The following TMEM132E variants were observed in gnomAD, a reference collection of about 807,000 sequenced individuals.
TMEM132E encodes transmembrane protein 132E.
A neutral mutation model predicts 78.5 loss-of-function variants in TMEM132E; 49 were observed. The ratio of observed to expected loss-of-function variants is 0.62; its 90% CI spans 0.50 to 0.79. TMEM132E has a LOEUF of 0.79. TMEM132E is among the 30% of genes least tolerant of loss of function. The pLI, the probability that TMEM132E is intolerant of heterozygous loss-of-function variation, is 0.00. For synonymous variants in TMEM132E, 715 were observed against 670.6 expected (o/e 1.07, Z -1.02); for missense variants, 1,403 against 1,470.9 (o/e 0.95, Z 0.75).
intron 1 of TMEM132E, among the ~76,000 whole-genome samples, chr17:34,596,474 A>C (rs1347109138): frequency 2.0e-5 from 3 of 152,160 alleles, no homozygotes; most frequent in African/African-American, 7.2e-5. Context: ...CTAGTGTCAT[A>C]GAGGATGTGT....
chr17:34,629,488 G>A (rs1907274529), intron 4 of TMEM132E, among the ~76,000 whole-genome samples: 1 of 152,206 alleles, frequency 6.6e-6, no homozygotes, highest in African/African-American at 2.4e-5. Context: ...ATGCAGTTGA[G>A]TCTTGGAGGT....
Position 34,637,564 on chromosome 17 carries a change from G to A in TMEM132E, c.2557G>A (p.Glu853Lys), listed in dbSNP as rs753269666. 3.1e-6 allele frequency: 5 copies of A among 1,599,558 alleles called. No individual in the cohort carries two copies. The highest frequency in any genetic ancestry group is 2.2e-5 in the South Asian group (2 of 90,248). The change falls in exon 9 of 9, where the codon GAG (glutamate) becomes AAG (lysine). Residue 853 changes from glutamate to lysine, a missense_variant. This residue lies in a region of TMEM132E where 888 missense variants were observed against 952.8 expected (regional missense o/e 0.93). Coordinates refer to ENST00000631683, the MANE Select transcript of TMEM132E (RefSeq NM_001304438.2). ...GPPGSALPAP[E>K]APGPGTASPV... The stretch of plus-strand genomic sequence containing the variant: ...GCCGGGCTCTGCGCTACCCGCACCG[G>A]AGGCTCCAGGCCCGGGCACCGCCAG...
Position 34,638,150 on chromosome 17 carries a change from G to T in TMEM132E, c.3143G>T (p.Cys1048Phe). ...EEEEEDLGWG[C>F]PDVAGPTRPT... Reference sequence around the variant, plus strand: ...GAGGAAGAGGACCTGGGTTGGGGCTGCCCGGATGTGGCGGGCCCCACGCGG... The same window carrying T: ...GAGGAAGAGGACCTGGGTTGGGGCTTCCCGGATGTGGCGGGCCCCACGCGG... The change falls in exon 9 of 9, where the codon TGC (cysteine) becomes TTC (phenylalanine). Residue 1048 changes from cysteine to phenylalanine, a missense_variant. Transcript: ENST00000631683. 2 of 1,610,214 alleles carry T rather than the reference G, an allele frequency of 1.2e-6. No individual in the cohort carries two copies. The highest frequency in any genetic ancestry group is 1.7e-6 in the Non-Finnish European group (2 of 1,179,000).
chr17:34,596,536 C>T (rs912467424), intron 1 of TMEM132E, among the ~76,000 whole-genome samples: 9 of 152,004 alleles, frequency 5.9e-5, no homozygotes, highest in African/African-American at 1.4e-4. Flanking sequence ...ATGCAGGTGC[C>T]CCAGTCACAA....
intron 1 of TMEM132E, among the ~76,000 whole-genome samples, chr17:34,603,845 C>T (rs1906320866): frequency 6.6e-6 from 1 of 152,234 alleles, no homozygotes; most frequent in South Asian, 2.1e-4. Context: ...CACTCGTCCA[C>T]CATCTCCTGT....
At position 34,632,785 on chromosome 17, in the gene TMEM132E, G is replaced by T. The variant is rs751132995; in HGVS notation, c.1564G>T (p.Asp522Tyr). The T allele has an allele frequency of 8.1e-6, 13 of 1,614,190 alleles. No homozygotes were observed. The highest frequency in any genetic ancestry group is 1.0e-5 in the Non-Finnish European group (12 of 1,180,036). Residue 522 changes from aspartate to tyrosine, a missense_variant, in exon 6 of 9, where the codon GAC becomes TAC. Around this residue, in one of 3 missense-constraint regions of TMEM132E, gnomAD observed 888 missense variants for 952.8 expected, o/e 0.93. Transcript: ENST00000631683. ...SMNARVTFRY[D>Y]VLNAPLEMTV... The stretch of plus-strand genomic sequence containing the variant: ...GAACGCCAGGGTCACCTTCCGCTAC[G>T]ACGTCCTCAATGCTCCCCTGGAAAT...
chr17:34,604,495 C>A (rs1435246594), intron 1 of TMEM132E, among the ~76,000 whole-genome samples: 1 of 152,204 alleles, frequency 6.6e-6, no homozygotes, highest in African/African-American at 2.4e-5. Context: ...GCATCCAAGG[C>A]CCCTGTGATC....
At chr17:34,620,932 T>C (rs1283266061) in intron 1 of TMEM132E, among the ~76,000 whole-genome samples, 1 of 152,212 alleles carries the variant, frequency 6.6e-6, no homozygotes, top group Non-Finnish European at 1.5e-5. Context: ...TTCATGTATT[T>C]GTCTTTTTGG....
chr17:34,579,928 C>G lies in TMEM132E; in HGVS notation c.-1149C>G, dbSNP rs1231226755. 6.6e-6 allele frequency: 1 copy of G among 152,236 alleles called. No homozygotes were observed. Among genetic ancestry groups the G allele is most frequent in the Non-Finnish European group, 1.5e-5 (1 of 68,070 alleles). 9.4% of individuals were successfully genotyped at this position (152,236 alleles called of 1,614,324 possible). On this transcript the variant is annotated 5_prime_UTR_variant, in exon 1 of 9. In the 5' UTR this introduces an upstream ATG that the reference lacks. Coordinates refer to ENST00000631683, the MANE Select transcript of TMEM132E (RefSeq NM_001304438.2). Reference sequence around the variant, plus strand: ...AGCGGGAGCCGATGCCCGGCAGCATCGAGACAGCGGGCGAACGGGCGTCCG... The same window carrying G: ...AGCGGGAGCCGATGCCCGGCAGCATGGAGACAGCGGGCGAACGGGCGTCCG...
At chr17:34,581,619 C>T (rs1335128908) in intron 1 of TMEM132E, among the ~76,000 whole-genome samples, 1 of 150,978 alleles carries the variant, frequency 6.6e-6, no homozygotes, top group Non-Finnish European at 1.5e-5. Context: ...TGCGGCGGTC[C>T]TCGGGAAGGG....
intron 2 of TMEM132E, 42 bp downstream of exon 2, chr17:34,627,099 A>T (rs746570995): frequency 5.0e-6 from 8 of 1,586,122 alleles, no homozygotes; most frequent in Admixed American, 5.0e-5. Flanking sequence ...CCCTTCCAAG[A>T]TCAAATGCAT....
intron 6 of TMEM132E, among the ~76,000 whole-genome samples, chr17:34,633,407 A>G (rs1427268600): frequency 2.0e-5 from 3 of 152,244 alleles, no homozygotes; most frequent in Non-Finnish European, 4.4e-5. Flanking sequence ...TGGGCACACC[A>G]AGGGCACACT....
intron 1 of TMEM132E, among the ~76,000 whole-genome samples, chr17:34,582,687 G>T (rs182502078): frequency 6.6e-6 from 1 of 152,168 alleles, no homozygotes; most frequent in Non-Finnish European, 1.5e-5. Context: ...GAATGAAGGT[G>T]GGGGAGAGGG....
At position 34,580,036 on chromosome 17, in the gene TMEM132E, G is replaced by T. The variant is rs1905407812; in HGVS notation, c.-1041G>T. The stretch of plus-strand genomic sequence containing the variant: ...TCAAGGTTTGTGCAGGTTCCCCCAG[G>T]GAAGGCGAGGAGCGAGGCGGGGCAG... On this transcript the variant is annotated 5_prime_UTR_variant, in exon 1 of 9. Coordinates refer to ENST00000631683, the MANE Select transcript of TMEM132E (RefSeq NM_001304438.2). 1 of 152,396 alleles carries T rather than the reference G, an allele frequency of 6.6e-6. No homozygotes were observed. Among genetic ancestry groups the T allele is most frequent in the Non-Finnish European group, 1.5e-5 (1 of 68,154 alleles). The allele number at this position is 152,396 out of a possible 1,614,324, so 9.4% of individuals were successfully genotyped here.
chr17:34,637,932 G>T lies in TMEM132E; in HGVS notation c.2925G>T (p.Ser975=). 6 of 1,605,818 alleles carry T rather than the reference G, an allele frequency of 3.7e-6. No homozygotes were observed. The highest frequency in any genetic ancestry group is 1.7e-5 in the Admixed American group (1 of 59,756). Residue 975 remains serine, a synonymous_variant, in exon 9 of 9, where the codon TCG becomes TCT. Coordinates refer to ENST00000631683, the MANE Select transcript of TMEM132E (RefSeq NM_001304438.2). ...CHGDHHSSGS[S]QTSVQSQVHG... ...GCGACCACCACAGCAGCGGCAGCTCGCAGACCAGCGTCCAGAGCCAGGTGC... is the reference window on the plus strand; with the variant it reads ...GCGACCACCACAGCAGCGGCAGCTCTCAGACCAGCGTCCAGAGCCAGGTGC...
At chr17:34,588,988 A>T (rs1261627913) in intron 1 of TMEM132E, among the ~76,000 whole-genome samples, 1 of 152,192 alleles carries the variant, frequency 6.6e-6, no homozygotes, top group African/African-American at 2.4e-5. Flanking sequence ...TCCTGACTTC[A>T]GGTGATCCAC....
At chr17:34,606,115 C>T (rs923863336) in intron 1 of TMEM132E, among the ~76,000 whole-genome samples, 5 of 152,078 alleles carry the variant, frequency 3.3e-5, no homozygotes, top group East Asian at 1.9e-4. Context: ...GAGGCCAAGG[C>T]GGGTGGATCA....
At position 34,626,554 on chromosome 17, in the gene TMEM132E, C is replaced by T; in HGVS notation, c.495C>T (p.Val165=). ...DFGVTERLPC[V]RLHAFRDARE... ...GCGTCACCGAGCGGCTGCCCTGTGT[C>T]CGCCTGCATGCCTTCCGGGATGCCC... The change falls in exon 2 of 9, where the codon GTC becomes GTT. Residue 165 remains valine (V), a synonymous_variant. Transcript: ENST00000631683. The T allele has an allele frequency of 6.3e-7, 1 of 1,590,110 alleles. No individual in the cohort carries two copies. Among genetic ancestry groups the T allele is most frequent in the African/African-American group, 1.3e-5 (1 of 74,728 alleles).
chr17:34,582,803 A>C (rs1000446061), intron 1 of TMEM132E, among the ~76,000 whole-genome samples: 1 of 152,084 alleles, frequency 6.6e-6, no homozygotes, highest in Non-Finnish European at 1.5e-5. Context: ...CCAGAAACCC[A>C]GGCCTGAGTC....
Sources: allele counts gnomAD v4.1 joint callset (sites outside exome capture counted in the v4.1 genomes callset), GRCh38; gene constraint gnomAD v4.1.1; regional missense constraint gnomAD v4.1.1; transcripts MANE v1.5; gene names NCBI Gene and HGNC (gene_info 2026-07-23, HGNC 2026-07-21).